The following RABEP1 variants were observed in gnomAD, a reference collection of about 807,000 sequenced individuals.
RABEP1 encodes rabaptin, RAB GTPase binding effector protein 1, also known as rab GTPase-binding effector protein 1.
In RABEP1, 51 loss-of-function variants were observed where a neutral mutation model predicts 123.4. That is an observed-to-expected ratio of 0.41 (90% confidence interval 0.33 to 0.52). The LOEUF (loss-of-function observed/expected upper bound fraction) is 0.52, where lower values mean the gene tolerates loss of function less well. Among genes scored for constraint, RABEP1 ranks in the 20% least tolerant of loss-of-function variants. The pLI is 0.16. For synonymous variants in RABEP1, 347 were observed against 355.2 expected, an observed-to-expected ratio of 0.98 and a Z score of 0.26; for missense variants, 888 against 996.3, an observed-to-expected ratio of 0.89 and a Z score of 1.46.
At position 5,361,545 on chromosome 17, in the gene RABEP1, C is replaced by T; in HGVS notation, c.1433C>T (p.Ala478Val). Reference protein sequence around the residue: ...LTKDQERAIKAMTPEQEETAS... With the variant: ...LTKDQERAIKVMTPEQEETAS... ...AAAGATCAGGAAAGAGCAATCAAGG[C>T]GATGACACCAGAACAAGAAGAGACA... Residue 478 changes from alanine to valine, a missense_variant, in exon 9 of 18, where the codon GCG (alanine) becomes GTG (valine). Ala to Val is a moderately conservative substitution (Grantham distance 64). Coordinates refer to ENST00000537505, the MANE Select transcript of RABEP1 (RefSeq NM_004703.6). The T allele has an allele frequency of 6.2e-7, 1 of 1,614,148 alleles. No homozygotes were observed. Among genetic ancestry groups the T allele is most frequent in the Non-Finnish European group, 8.5e-7 (1 of 1,180,038 alleles).
intron 2 of RABEP1, among the ~76,000 whole-genome samples, chr17:5,329,060 C>G (rs776232490): frequency 8.0e-6 from 1 of 124,224 alleles, no homozygotes; most frequent in East Asian, 2.6e-4. Flanking sequence ...GAAGTTTTAC[C>G]AGAGATTTGG....
At chr17:5,322,689 G>C (rs994289486) in intron 2 of RABEP1, among the ~76,000 whole-genome samples, 4 of 152,126 alleles carry the variant, frequency 2.6e-5, no homozygotes, top group African/African-American at 9.7e-5. Context: ...CAGCCACCAC[G>C]ATCAAGTAGA....
At chr17:5,299,725 C>CTTTTTTT (rs201875944) in intron 1 of RABEP1, among the ~76,000 whole-genome samples, 124 of 104,078 alleles carry the variant, frequency 1.2e-3, no homozygotes, top group East Asian at 2.2e-3. Context: ...TTTTCTTTTT[C>CTTTTTTT]TTTTTCTTTT....
intron 2 of RABEP1, among the ~76,000 whole-genome samples, chr17:5,316,683 A>G (rs973336876): frequency 2.7e-5 from 4 of 150,870 alleles, no homozygotes; most frequent in Non-Finnish European, 5.9e-5. Context: ...AAATGCAAAA[A>G]TTAGCTGGGC....
intron 2 of RABEP1, among the ~76,000 whole-genome samples, chr17:5,320,653 GT>G (rs1223032305): frequency 1.3e-5 from 2 of 152,044 alleles, no homozygotes; most frequent in Non-Finnish European, 2.9e-5. Flanking sequence ...AGTTGTAGAA[GT>G]TTTTTTCCCA....
intron 6 of RABEP1, among the ~76,000 whole-genome samples, chr17:5,349,831 C>G (rs1476876254): frequency 1.3e-5 from 2 of 151,938 alleles, no homozygotes; most frequent in African/African-American, 4.8e-5. Flanking sequence ...GTAAAGAAAT[C>G]TTTAAAAATT....
chr17:5,286,695 T>A (rs969848749), intron 1 of RABEP1, among the ~76,000 whole-genome samples: 2 of 152,182 alleles, frequency 1.3e-5, no homozygotes, highest in African/African-American at 4.8e-5. Flanking sequence ...GAATGCATAC[T>A]GTTTGTCAGG....
chr17:5,301,750 G>C (rs951794863), intron 1 of RABEP1, among the ~76,000 whole-genome samples: 4 of 151,430 alleles, frequency 2.6e-5, no homozygotes, highest in African/African-American at 9.7e-5. Context: ...GGGTCTCTTA[G>C]GCCTAACCAA....
intron 5 of RABEP1, among the ~76,000 whole-genome samples, chr17:5,340,586 A>T (rs930503311): frequency 3.3e-5 from 5 of 151,660 alleles, no homozygotes; most frequent in African/African-American, 1.2e-4. Flanking sequence ...AAAAATACTC[A>T]TGGAAAAAGT....
intron 2 of RABEP1, among the ~76,000 whole-genome samples, chr17:5,329,818 C>CATATATATATATATATATATATATATAT (rs61446536): frequency 2.1e-5 from 3 of 143,088 alleles, no homozygotes; most frequent in African/African-American, 7.6e-5. Flanking sequence ...TATATATGTT[C>CATATATATATATATATATATATATATAT]ATATATATAT....
intron 2 of RABEP1, among the ~76,000 whole-genome samples, chr17:5,318,443 C>T (rs890737426): frequency 7.9e-5 from 12 of 151,980 alleles, no homozygotes; most frequent in Non-Finnish European, 1.3e-4. Context: ...AGATTACTAA[C>T]GAGAAATTAC....
intron 1 of RABEP1, among the ~76,000 whole-genome samples, chr17:5,287,816 G>A (rs1292760364): frequency 6.6e-6 from 1 of 152,112 alleles, no homozygotes; most frequent in African/African-American, 2.4e-5. Flanking sequence ...GGAGGCTGAG[G>A]TGGGAGGATC....
intron 1 of RABEP1, among the ~76,000 whole-genome samples, chr17:5,295,451 A>G (rs2075074054): frequency 6.6e-6 from 1 of 151,830 alleles, no homozygotes; most frequent in Non-Finnish European, 1.5e-5. Context: ...TATGGATTCC[A>G]TAATAGGTTT....
chr17:5,347,867 A>G (rs927832627), intron 6 of RABEP1, among the ~76,000 whole-genome samples: 6 of 152,238 alleles, frequency 3.9e-5, no homozygotes, highest in African/African-American at 1.4e-4. Flanking sequence ...AAATAATGTA[A>G]ATTATTGAGA....
Position 5,385,927 on chromosome 17 carries a change from G to A in RABEP1, c.*2704G>A. Reference sequence around the variant, plus strand: ...AATAACTAACTTGCTCAAATATGGAGAAAACTCAATAGGGTTCAGGGAGGT... The same window carrying A: ...AATAACTAACTTGCTCAAATATGGAAAAAACTCAATAGGGTTCAGGGAGGT... On this transcript the variant is annotated 3_prime_UTR_variant, in exon 18 of 18. Transcript: ENST00000537505. The A allele has an allele frequency of 2.7e-6, 1 of 364,438 alleles. No individual in the cohort carries two copies. Among genetic ancestry groups the A allele is most frequent in the Non-Finnish European group, 4.9e-6 (1 of 204,938 alleles). 22.6% of individuals were successfully genotyped at this position (364,438 alleles called of 1,614,324 possible). A position where few individuals can be genotyped will look rare whatever the true frequency, so the allele number is the denominator to read the frequency against.
chr17:5,289,029 C>A (rs1478914261), intron 1 of RABEP1, among the ~76,000 whole-genome samples: 5 of 152,122 alleles, frequency 3.3e-5, no homozygotes, highest in Non-Finnish European at 7.3e-5. Context: ...TTAATTTGCA[C>A]TTCCAGGATA....
At chr17:5,286,118 A>G (rs2074974940) in intron 1 of RABEP1, among the ~76,000 whole-genome samples, 2 of 152,186 alleles carry the variant, frequency 1.3e-5, no homozygotes, top group Admixed American at 6.5e-5. Context: ...TGCCAACGAT[A>G]TATGGCAGGT....
chr17:5,332,707 C>T (rs776820072), intron 3 of RABEP1, among the ~76,000 whole-genome samples: 1 of 150,644 alleles, frequency 6.6e-6, no homozygotes, highest in Non-Finnish European at 1.5e-5. Context: ...CTCCCGGGCT[C>T]AAGCGATTCT....
chr17:5,330,404 T>A (rs141448485), intron 2 of RABEP1, among the ~76,000 whole-genome samples: 1 of 152,356 alleles, frequency 6.6e-6, no homozygotes, highest in Non-Finnish European at 1.5e-5. Context: ...TCTGTGACTT[T>A]GACTACCAAA....
Sources: gnomAD v4.1 joint callset for allele counts (sites outside exome capture counted in the v4.1 genomes callset) on GRCh38, gnomAD v4.1.1 for gene constraint, MANE v1.5 for transcripts, NCBI Gene and HGNC (gene_info 2026-07-23, HGNC 2026-07-21) for gene names.